The following ZNF415 variants were observed in gnomAD, a reference collection of about 807,000 sequenced individuals.
ZNF415 encodes zinc finger protein 415.
Under a neutral mutation model 7.3 loss-of-function variants are expected in ZNF415, and 5 were observed. The ratio of observed to expected loss-of-function variants is 0.69; its 90% CI spans 0.36 to 1.44. The LOEUF is 1.44. Ranked by LOEUF, ZNF415 falls within the 40% of genes most tolerant of loss-of-function variation. The pLI is 0.04. For missense variants in ZNF415, 628 were observed against 664.8 expected (o/e 0.94, Z 0.61); for synonymous variants, 207 against 226.3 (o/e 0.91, Z 0.77).
chr19:53,121,943 T>C (rs538772816), intron 2 of ZNF415, among the ~76,000 whole-genome samples: 2 of 152,072 alleles, frequency 1.3e-5, no homozygotes, highest in African/African-American at 4.8e-5. Flanking sequence ...CAGGTATTTG[T>C]CTATATTAAC....
chr19:53,122,304 G>T, intron 2 of ZNF415: 1 of 1,183,892 alleles, frequency 8.4e-7, no homozygotes, highest in Non-Finnish European at 1.2e-6. Context: ...TCCATGGGCA[G>T]CTTCTCTATT....
At chr19:53,129,257 G>A (rs893385822) in intron 1 of ZNF415, among the ~76,000 whole-genome samples, 19 of 152,138 alleles carry the variant, frequency 1.2e-4, no homozygotes, top group African/African-American at 4.6e-4. Flanking sequence ...CTGGACACTG[G>A]CAGGGGCCCT....
Position 53,108,356 on chromosome 19 carries a change from TTGAC to T in ZNF415, c.*17_*20del, listed in dbSNP as rs770531962. On this transcript the variant is annotated 3_prime_UTR_variant, in exon 4 of 4. Transcript: ENST00000243643. ...TTTGATGACTCACAGGATTTAAACT[TTGAC>T]TGAAGACCTTGCCATATTAATTTCT... is the stretch of plus-strand genomic sequence containing the variant. The T allele has an allele frequency of 6.4e-7, 1 of 1,570,992 alleles. No individual in the cohort carries two copies. The highest frequency in any genetic ancestry group is 8.6e-7 in the Non-Finnish European group (1 of 1,161,552).
At chr19:53,131,680 C>G (rs1214291447) in intron 1 of ZNF415, among the ~76,000 whole-genome samples, 2 of 151,936 alleles carry the variant, frequency 1.3e-5, no homozygotes, top group African/African-American at 2.4e-5. Context: ...CCCCGTCTTC[C>G]CTCTATTCTT....
intron 1 of ZNF415, among the ~76,000 whole-genome samples, chr19:53,129,407 C>T (rs1030903027): frequency 6.6e-6 from 1 of 152,150 alleles, no homozygotes; most frequent in Non-Finnish European, 1.5e-5. Flanking sequence ...GAGAAAGGCC[C>T]CGAAGATGGT....
rs777278150 is a variant in ZNF415, at chr19:53,116,394, C to A, written c.55G>T (p.Glu19Ter). The A allele has an allele frequency of 6.2e-7, 1 of 1,613,910 alleles. No homozygotes were observed. Among genetic ancestry groups the A allele is most frequent in the Admixed American group, 1.7e-5 (1 of 59,986 alleles). Residue 19 changes from glutamate to a stop codon, truncating the protein, a stop_gained, in exon 3 of 4, where the codon GAG (glutamate) becomes TAG (stop). Coordinates refer to ENST00000243643, the MANE Select transcript of ZNF415 (RefSeq NM_018355.4). LOFTEE classifies it high-confidence loss of function. ...TGTGTAGAGTTCAGGCATTTCCACT[C>A]ATCTTGAGAGAATTCGATGGCCACG... The part of the protein sequence containing the change: ...RDVAIEFSQD[E>*]WKCLNSTQRT...
At chr19:53,121,593 A>T (rs936463038) in intron 2 of ZNF415, among the ~76,000 whole-genome samples, 1 of 151,512 alleles carries the variant, frequency 6.6e-6, no homozygotes, top group Non-Finnish European at 1.5e-5. Flanking sequence ...ACGCCTGGCT[A>T]ATTTTTGTAT....
At chr19:53,111,046 G>A (rs1195007998) in intron 3 of ZNF415, among the ~76,000 whole-genome samples, 1 of 152,224 alleles carries the variant, frequency 6.6e-6, no homozygotes, top group Non-Finnish European at 1.5e-5. Flanking sequence ...TCTACGGTCT[G>A]AATATGTTGG....
chr19:53,112,657 T>C (rs977245178), intron 3 of ZNF415, among the ~76,000 whole-genome samples: 1 of 152,156 alleles, frequency 6.6e-6, no homozygotes, highest in African/African-American at 2.4e-5. Flanking sequence ...AGCAACAGTA[T>C]ATTCCATGCA....
chr19:53,127,745 C>T (rs1201830625), intron 1 of ZNF415, among the ~76,000 whole-genome samples: 24 of 151,774 alleles, frequency 1.6e-4, no homozygotes, highest in Admixed American at 1.1e-3. Context: ...GGTGTGGTGG[C>T]GCGTGCCTGT....
At chr19:53,118,568 T>A (rs1483602699) in intron 2 of ZNF415, among the ~76,000 whole-genome samples, 1 of 152,120 alleles carries the variant, frequency 6.6e-6, no homozygotes, top group Non-Finnish European at 1.5e-5. Flanking sequence ...TCTCAACACA[T>A]TTTTAAAATA....
Position 53,131,780 on chromosome 19 carries a change from G to A in ZNF415, c.-68+1076C>T, listed in dbSNP as rs560205165. Among the ~76,000 whole-genome samples the A allele has an allele frequency of 3.9e-5, 6 of 151,932 alleles. No homozygotes were observed. In the South Asian group the frequency reaches 6.3e-4, roughly 16 times the overall value. On this transcript the variant is annotated intron_variant, in intron 1 of 3. Coordinates refer to ENST00000243643, the MANE Select transcript of ZNF415 (RefSeq NM_018355.4). The stretch of plus-strand genomic sequence containing the variant: ...ATTGTCCCAGTCTCCACATATTTCT[G>A]GCTCTTTCTTCCCCATTTCAGCACT...
intron 1 of ZNF415, among the ~76,000 whole-genome samples, chr19:53,127,354 T>C (rs2089318120): frequency 6.6e-6 from 1 of 152,164 alleles, no homozygotes; most frequent in Non-Finnish European, 1.5e-5. Context: ...CTACGAAATT[T>C]CGCAAGTCCC....
chr19:53,128,519 G>T (rs1351513794), intron 1 of ZNF415, among the ~76,000 whole-genome samples: 2 of 123,682 alleles, frequency 1.6e-5, no homozygotes, highest in Non-Finnish European at 3.6e-5. Context: ...TTCCTGAAGG[G>T]AATCCAGGAC....
intron 1 of ZNF415, chr19:53,129,679 TG>T: frequency 2.5e-6 from 1 of 398,886 alleles, no homozygotes; most frequent in South Asian, 1.3e-4. Context: ...AGGTCTGAGT[TG>T]AGTGAGAAGG....
intron 3 of ZNF415, 146 bp from the exon 4 acceptor site, chr19:53,110,054 A>G: frequency 1.6e-6 from 1 of 620,016 alleles, no homozygotes; most frequent in Non-Finnish European, 2.6e-6. Flanking sequence ...ATTTTTACGA[A>G]CACAAAGGAA....
At chr19:53,127,884 A>AAAAAAAAAG (rs2089460911) in intron 1 of ZNF415, among the ~76,000 whole-genome samples, 5 of 149,290 alleles carry the variant, frequency 3.3e-5, no homozygotes, top group East Asian at 3.9e-4. Flanking sequence ...TCAAAAAAAA[A>AAAAAAAAAG]AAAAAGAAAA....
intron 2 of ZNF415, among the ~76,000 whole-genome samples, chr19:53,117,302 G>A (rs896366725): frequency 4.6e-5 from 7 of 151,998 alleles, no homozygotes; most frequent in East Asian, 1.9e-4. Flanking sequence ...CTAGCCGAGC[G>A]TGGTGGTGCA....
At chr19:53,113,143 T>A (rs1476546139) in intron 3 of ZNF415, among the ~76,000 whole-genome samples, 2 of 148,660 alleles carry the variant, frequency 1.3e-5, no homozygotes, top group Non-Finnish European at 3.0e-5. Context: ...GAAAAAGATG[T>A]TCATTTATAC....
Sources: allele counts gnomAD v4.1 joint callset (sites outside exome capture counted in the v4.1 genomes callset), GRCh38; gene constraint gnomAD v4.1.1; transcripts MANE v1.5; gene names NCBI Gene and HGNC (gene_info 2026-07-23, HGNC 2026-07-21).